The following MAGEA3 variants were observed in gnomAD, a reference collection of about 807,000 sequenced individuals.
The protein encoded by MAGEA3 is melanoma-associated antigen 3.
For missense variants in MAGEA3, 207 were observed against 239.1 expected (o/e 0.87, Z 0.89); for synonymous variants, 110 against 102.2 (o/e 1.08, Z -0.46).
Position 152,700,674 on chromosome X carries a change from G to A in MAGEA3, c.-79G>A, listed in dbSNP as rs1931710253. 1 of 763,401 alleles carries A rather than the reference G, an allele frequency of 1.3e-6. No homozygotes were observed. Among genetic ancestry groups the A allele is most frequent in the South Asian group, 2.1e-5 (1 of 48,105 alleles). The allele number at this position is 763,401 out of a possible 1,213,427, so 62.9% of individuals were successfully genotyped here. ...GACCAGAGGCCCCCGGAGGAGCACTGAAGGAGAAGATCTGTAAGTAAGCCT... is the reference window on the plus strand; with the variant it reads ...GACCAGAGGCCCCCGGAGGAGCACTAAAGGAGAAGATCTGTAAGTAAGCCT... On this transcript the variant is annotated 5_prime_UTR_variant, in exon 2 of 3. Transcript: ENST00000370278.
Position 152,701,196 on chromosome X carries a change from C to T in MAGEA3, c.364C>T (p.Leu122Phe). ...KVAELVHFLLLKYRAREPVTK... is the reference protein window; with the variant it reads ...KVAELVHFLLFKYRAREPVTK... The stretch of plus-strand genomic sequence containing the variant: ...GGCCGAGTTGGTTCATTTTCTGCTC[C>T]TCAAGTATCGAGCCAGGGAGCCGGT... Residue 122 changes from leucine (L) to phenylalanine (F), a missense_variant, in exon 3 of 3, where the codon CTC (leucine) becomes TTC (phenylalanine). Coordinates refer to ENST00000370278, the MANE Select transcript of MAGEA3 (RefSeq NM_005362.4). 1 of 1,209,808 alleles carries T rather than the reference C, an allele frequency of 8.3e-7. No individual in the cohort carries two copies.
rs1556827202 is a variant in MAGEA3 at position 152,701,750 on chromosome X, G to A, written c.918G>A (p.Glu306=). 1.7e-6 allele frequency: 2 copies of A among 1,207,656 alleles called. No individual in the cohort carries two copies. Among genetic ancestry groups the A allele is most frequent in the African/African-American group, 3.5e-5 (2 of 57,160 alleles). The change falls in exon 3 of 3, where the codon GAG becomes GAA. Residue 306 remains glutamate, a synonymous_variant. Transcript: ENST00000370278. Reference sequence around the variant, plus strand: ...ACATTTCCTACCCACCCCTGCATGAGTGGGTTTTGAGAGAGGGGGAAGAGT... The same window carrying A: ...ACATTTCCTACCCACCCCTGCATGAATGGGTTTTGAGAGAGGGGGAAGAGT... ...GPHISYPPLH[E]WVLREGEE
In MAGEA3 at chrX:152,701,680, A is replaced by G. The variant is rs372708723; in HGVS notation, c.848A>G (p.Tyr283Cys). ...WGPRALVETSYVKVLHHMVKI... is the reference protein window; with the variant it reads ...WGPRALVETSCVKVLHHMVKI... Reference sequence around the variant, plus strand: ...CCAAGGGCCCTCGTTGAAACCAGCTATGTGAAAGTCCTGCACCATATGGTA... The same window carrying G: ...CCAAGGGCCCTCGTTGAAACCAGCTGTGTGAAAGTCCTGCACCATATGGTA... Residue 283 changes from tyrosine to cysteine, a missense_variant, in exon 3 of 3, where the codon TAT (tyrosine) becomes TGT (cysteine). Tyr to Cys is a radical substitution (Grantham distance 194). Coordinates refer to ENST00000370278, the MANE Select transcript of MAGEA3 (RefSeq NM_005362.4). The G allele has an allele frequency of 3.3e-6, 4 of 1,208,800 alleles. No individual in the cohort carries two copies. Among genetic ancestry groups the G allele is most frequent in the Non-Finnish European group, 4.5e-6 (4 of 894,299 alleles).
At position 152,701,901 on chromosome X, in the gene MAGEA3, C is replaced by A; in HGVS notation, c.*124C>A. On this transcript the variant is annotated 3_prime_UTR_variant, in exon 3 of 3. Transcript: ENST00000370278. ...GAGGCCCATTCTTCACTCTTTGAAG[C>A]GAGCAGTCAGCATTCTTAGTAGTGG... 1 of 703,269 alleles carries A rather than the reference C, an allele frequency of 1.4e-6. No homozygotes were observed. Among genetic ancestry groups the A allele is most frequent in the Non-Finnish European group, 2.1e-6 (1 of 466,564 alleles). The allele number at this position is 703,269 out of a possible 1,213,427, so 58.0% of individuals were successfully genotyped here.
At chrX:152,700,461 C>G (rs1931699821) in intron 1 of MAGEA3, 161 bp from the exon 2 acceptor site, 1 of 275,933 alleles carries the variant, frequency 3.6e-6, no homozygotes, top group African/African-American at 3.2e-5. Flanking sequence ...CAGATAGTGC[C>G]AACGGTGAAG....
rs1361909824 is a variant in MAGEA3, at chrX:152,701,667, G to A, written c.835G>A (p.Val279Ile). ...YEFLWGPRAL[V>I]ETSYVKVLHH... is the part of the protein sequence containing the mutation. ...ATTCCTGTGGGGTCCAAGGGCCCTC[G>A]TTGAAACCAGCTATGTGAAAGTCCT... The change falls in exon 3 of 3, where the codon GTT (valine) becomes ATT (isoleucine). Residue 279 changes from valine (V) to isoleucine (I), a missense_variant. Physicochemically the swap from Val to Ile is conservative, Grantham distance 29. Transcript: ENST00000370278. 1.6e-4 allele frequency: 197 copies of A among 1,208,725 alleles called. No homozygotes were observed. Among genetic ancestry groups the A allele is most frequent in the Middle Eastern group, 2.3e-4 (1 of 4,348 alleles).
Position 152,701,818 on chromosome X carries a change from C to A in MAGEA3, c.*41C>A. 1 of 1,165,906 alleles carries A rather than the reference C, an allele frequency of 8.6e-7. No homozygotes were observed. The highest frequency in any genetic ancestry group is 1.2e-6 in the Non-Finnish European group (1 of 864,995). ...GCAGCCAGGGCCAGTGGGAGGGGGT[C>A]TGGGCCAGTGCACCTTCCGGGGCCG... On this transcript the variant is annotated 3_prime_UTR_variant, in exon 3 of 3. Transcript: ENST00000370278.
chrX:152,700,508 C>T (rs1404452592), intron 1 of MAGEA3, 114 bp from the exon 2 acceptor site: 5 of 405,703 alleles, frequency 1.2e-5, no homozygotes, highest in Non-Finnish European at 1.7e-5. Flanking sequence ...CCCACCTGCC[C>T]CAGAACACAT....
Position 152,700,576 on chromosome X carries a change from C to T in MAGEA3, c.-131-46C>T, listed in dbSNP as rs5970360. The T allele has an allele frequency of 4.2e-3, 2,421 of 571,049 alleles. 5 individuals are homozygous for T. Among genetic ancestry groups the T allele is most frequent in the Middle Eastern group, 7.0e-3 (21 of 3,021 alleles). 47.1% of individuals were successfully genotyped at this position (571,049 alleles called of 1,213,427 possible). ...CTTTCAGTCCTGCAGCCTCAGCATG[C>T]GCTGGCCGGATGTACCCTGAGGTGC... On this transcript the variant is annotated intron_variant, in intron 1 of 2. Coordinates refer to ENST00000370278, the MANE Select transcript of MAGEA3 (RefSeq NM_005362.4).
rs2124945100 is a variant in MAGEA3, at chrX:152,701,140, C to G, written c.308C>G (p.Ser103Cys). ...CCAAGCACCTTCCCTGACCTGGAGT[C>G]CGAGTTCCAAGCAGCACTCAGTAGG... ...EGPSTFPDLE[S>C]EFQAALSRKV... Residue 103 changes from serine (S) to cysteine (C), a missense_variant, in exon 3 of 3, where the codon TCC (serine) becomes TGC (cysteine). By Grantham distance (112) the Ser-to-Cys change is moderately radical. Transcript: ENST00000370278. The G allele has an allele frequency of 8.3e-7, 1 of 1,209,538 alleles. No homozygotes were observed. Among genetic ancestry groups the G allele is most frequent in the Admixed American group, 2.2e-5 (1 of 46,005 alleles).
rs1556827299 is a variant in MAGEA3, at chrX:152,701,822, G to A, written c.*45G>A. The A allele has an allele frequency of 1.2e-5, 14 of 1,148,917 alleles. No individual in the cohort carries two copies. The highest frequency in any genetic ancestry group is 1.8e-5 in the African/African-American group (1 of 55,750). The allele number at this position is 1,148,917 out of a possible 1,213,427, so 94.7% of individuals were successfully genotyped here. A position where few individuals can be genotyped will look rare whatever the true frequency, so the allele number is the denominator to read the frequency against. ...CCAGGGCCAGTGGGAGGGGGTCTGG[G>A]CCAGTGCACCTTCCGGGGCCGCATC... On this transcript the variant is annotated 3_prime_UTR_variant, in exon 3 of 3. Coordinates refer to ENST00000370278, the MANE Select transcript of MAGEA3 (RefSeq NM_005362.4).
rs1198846905 is a variant in MAGEA3 at position 152,701,811 on chromosome X, AG to A, written c.*39del. On this transcript the variant is annotated 3_prime_UTR_variant, in exon 3 of 3. Transcript: ENST00000370278. ...ACGAGTTGCAGCCAGGGCCAGTGGG[AG>A]GGGGTCTGGGCCAGTGCACCTTCCG... 1 of 1,183,831 alleles carries A rather than the reference AG, an allele frequency of 8.4e-7. No individual in the cohort carries two copies. Among genetic ancestry groups the A allele is most frequent in the Non-Finnish European group, 1.1e-6 (1 of 878,197 alleles).
intron 1 of MAGEA3, among the ~76,000 whole-genome samples, chrX:152,700,235 C>A (rs1931690425): frequency 9.2e-6 from 1 of 108,419 alleles, no homozygotes. Context: ...AGGTGAGGGC[C>A]CTGAGTGAGC....
In MAGEA3 at chrX:152,701,141, C is replaced by G; in HGVS notation, c.309C>G (p.Ser103=). The change falls in exon 3 of 3, where the codon TCC becomes TCG. Residue 103 remains serine, a synonymous_variant. Coordinates refer to ENST00000370278, the MANE Select transcript of MAGEA3 (RefSeq NM_005362.4). ...CAAGCACCTTCCCTGACCTGGAGTC[C>G]GAGTTCCAAGCAGCACTCAGTAGGA... ...EGPSTFPDLE[S]EFQAALSRKV... is the part of the protein sequence containing the mutation. 2.5e-6 allele frequency: 3 copies of G among 1,205,589 alleles called. No individual in the cohort carries two copies. Among genetic ancestry groups the G allele is most frequent in the Non-Finnish European group, 3.4e-6 (3 of 891,910 alleles).
intron 1 of MAGEA3, 65 bp from the exon 2 acceptor site, chrX:152,700,557 G>A (rs1194534635): frequency 1.6e-5 from 9 of 548,776 alleles, no homozygotes; most frequent in Non-Finnish European, 2.9e-5. Context: ...AATACTTTCA[G>A]TCCTGCAGCC....
In MAGEA3 at chrX:152,701,453, C is replaced by T; in HGVS notation, c.621C>T (p.Ala207=). Residue 207 remains alanine, a synonymous_variant, in exon 3 of 3, where the codon GCC becomes GCT. Coordinates refer to ENST00000370278, the MANE Select transcript of MAGEA3 (RefSeq NM_005362.4). The part of the protein sequence containing the change: ...PKAGLLIIVL[A]IIAREGDCAP... ...CAGGCCTCCTGATAATCGTCCTGGC[C>T]ATAATCGCAAGAGAGGGCGACTGTG... 1 of 1,210,182 alleles carries T rather than the reference C, an allele frequency of 8.3e-7. No homozygotes were observed. The highest frequency in any genetic ancestry group is 1.7e-5 in the African/African-American group (1 of 57,747).
In MAGEA3 at chrX:152,701,063, C is replaced by T; in HGVS notation, c.231C>T (p.Tyr77=). ...CCAGCCTCCCCACTACCATGAACTA[C>T]CCTCTCTGGAGCCAATCCTATGAGG... The part of the protein sequence containing the change: ...GASSLPTTMN[Y]PLWSQSYEDS... The change falls in exon 3 of 3, where the codon TAC becomes TAT. Residue 77 remains tyrosine, a synonymous_variant. Coordinates refer to ENST00000370278, the MANE Select transcript of MAGEA3 (RefSeq NM_005362.4). The T allele has an allele frequency of 8.3e-7, 1 of 1,204,683 alleles. No individual in the cohort carries two copies. Among genetic ancestry groups the T allele is most frequent in the Non-Finnish European group, 1.1e-6 (1 of 892,724 alleles).
chrX:152,702,015 C>T lies in MAGEA3; in HGVS notation c.*238C>T, dbSNP rs1556827419. ...TCCTTTTAACGGATGGTTGAATGAG[C>T]GTCAGCATCCAGGTTTATGAATGAC... On this transcript the variant is annotated 3_prime_UTR_variant, in exon 3 of 3. Coordinates refer to ENST00000370278, the MANE Select transcript of MAGEA3 (RefSeq NM_005362.4). 4 of 416,666 alleles carry T rather than the reference C, an allele frequency of 9.6e-6. No individual in the cohort carries two copies. Among genetic ancestry groups the T allele is most frequent in the Non-Finnish European group, 1.3e-5 (3 of 234,322 alleles). The allele number at this position is 416,666 out of a possible 1,213,427, so 34.3% of individuals were successfully genotyped here.
chrX:152,701,282 C>G lies in MAGEA3; in HGVS notation c.450C>G (p.Ile150Met). ...ATTGGCAGTATTTCTTTCCTGTGATCTTCAGCAAAGCTTCCAGTTCCTTGC... is the reference window on the plus strand; with the variant it reads ...ATTGGCAGTATTTCTTTCCTGTGATGTTCAGCAAAGCTTCCAGTTCCTTGC... ...VGNWQYFFPV[I>M]FSKASSSLQL... The change falls in exon 3 of 3, where the codon ATC becomes ATG. Residue 150 changes from isoleucine to methionine, a missense_variant. By Grantham distance (10) the Ile-to-Met change is conservative (BLOSUM62 1). Coordinates refer to ENST00000370278, the MANE Select transcript of MAGEA3 (RefSeq NM_005362.4). The G allele has an allele frequency of 8.3e-7, 1 of 1,209,544 alleles. No homozygotes were observed. The highest frequency in any genetic ancestry group is 1.1e-6 in the Non-Finnish European group (1 of 893,869).
Sources: gnomAD v4.1 joint callset for allele counts (sites outside exome capture counted in the v4.1 genomes callset) on GRCh38, gnomAD v4.1.1 for gene constraint, MANE v1.5 for transcripts, NCBI Gene and HGNC (gene_info 2026-07-23, HGNC 2026-07-21) for gene names.